Variants in ATRNL1 observed in about 807,000 individuals in gnomAD.
ATRNL1 encodes the protein attractin-like protein 1.
A neutral mutation model predicts 182.7 loss-of-function variants in ATRNL1; 95 were observed. The ratio of observed to expected loss-of-function variants is 0.52; its 90% CI spans 0.44 to 0.62. The LOEUF is 0.62. Ranked by LOEUF, ATRNL1 falls within the 20% of genes least tolerant of loss-of-function variation. The probability of loss-of-function intolerance (pLI) is 0.00; values close to 1 mark genes in which losing one functional copy is unlikely to be tolerated. For synonymous variants in ATRNL1, 576 were observed against 568.3 expected (o/e 1.01, Z -0.19); for missense variants, 1,471 against 1,679.5 (o/e 0.88, Z 2.17).
At chr10:115,713,935 T>C (rs547748650) in intron 26 of ATRNL1, among the ~76,000 whole-genome samples, 1 of 152,336 alleles carries the variant, frequency 6.6e-6, no homozygotes, top group South Asian at 2.1e-4. Context: ...GAACTTGACT[T>C]CTTTGTAGTT....
At position 115,140,926 on chromosome 10, in the gene ATRNL1, T is replaced by G. The variant is rs17092788; in HGVS notation, c.829+11391T>G. ...TCCTTCACTATCTCAAGACCTTTCT[T>G]AATTCCAAAGTTCTTCCTAGAAAAC... On this transcript the variant is annotated intron_variant, in intron 5 of 28. Coordinates refer to ENST00000355044, the MANE Select transcript of ATRNL1 (RefSeq NM_207303.4). Among the ~76,000 whole-genome samples, 1,586 of 152,280 alleles carry G rather than the reference T, an allele frequency of 0.01. 32 individuals are homozygous for G. In the East Asian group the frequency reaches 0.11, roughly 11 times the overall value.
chr10:115,425,614 C>A (rs113611788), intron 20 of ATRNL1, among the ~76,000 whole-genome samples: 2 of 151,904 alleles, frequency 1.3e-5, no homozygotes, highest in South Asian at 4.2e-4. Context: ...AGTATGGATG[C>A]GCATATGTTC....
chr10:115,752,603 A>G (rs1389648510), intron 27 of ATRNL1, among the ~76,000 whole-genome samples: 1 of 152,052 alleles, frequency 6.6e-6, no homozygotes, highest in Non-Finnish European at 1.5e-5. Flanking sequence ...CAGGACATTC[A>G]TAGTCCCCCT....
chr10:115,947,059 T>C lies in ATRNL1; in HGVS notation c.*2280T>C, dbSNP rs1953890646. On this transcript the variant is annotated 3_prime_UTR_variant, in exon 29 of 29. Transcript: ENST00000355044. The stretch of plus-strand genomic sequence containing the variant: ...GTGATGTTTAGTTAAAGTCATGCTA[T>C]ACCTTTCTGGGCCACATATTGCTAA... 6.6e-6 allele frequency: 1 copy of C among 152,636 alleles called. No individual in the cohort carries two copies. Among genetic ancestry groups the C allele is most frequent in the Non-Finnish European group, 1.5e-5 (1 of 68,032 alleles). 9.5% of individuals were successfully genotyped at this position (152,636 alleles called of 1,614,324 possible).
intron 24 of ATRNL1, among the ~76,000 whole-genome samples, chr10:115,487,800 C>T (rs1849098328): frequency 6.6e-6 from 1 of 152,112 alleles, no homozygotes; most frequent in South Asian, 2.1e-4. Flanking sequence ...GCATCCTTGT[C>T]TTGTGGCTGT....
At chr10:115,462,058 TA>T (rs781815668) in intron 22 of ATRNL1, 23 bp downstream of exon 22, 2 of 1,530,286 alleles carry the variant, frequency 1.3e-6, no homozygotes, top group Non-Finnish European at 1.8e-6. Context: ...TGTTATCTTT[TA>T]AAGTATAATT....
Position 115,326,850 on chromosome 10 carries a change from A to C in ATRNL1, c.3038-7432A>C, listed in dbSNP as rs565361820. The stretch of plus-strand genomic sequence containing the variant: ...CAATGGGGAAAGGATTCCCTATTTA[A>C]TAAATGGTTCTGGGAAAACTGGCTA... On this transcript the variant is annotated intron_variant, in intron 18 of 28. Coordinates refer to ENST00000355044, the MANE Select transcript of ATRNL1 (RefSeq NM_207303.4). Among the ~76,000 whole-genome samples, 1,285 of 152,328 alleles carry C rather than the reference A, an allele frequency of 8.4e-3. 14 individuals carry two copies. The highest frequency in any genetic ancestry group is 0.028 in the African/African-American group (1,176 of 41,568).
At chr10:115,268,196 A>G in intron 12 of ATRNL1, 130 bp from the exon 13 acceptor site, 1 of 634,420 alleles carries the variant, frequency 1.6e-6, no homozygotes. Flanking sequence ...CTTACTTTGA[A>G]ATTGAAGGTC....
intron 17 of ATRNL1, among the ~76,000 whole-genome samples, chr10:115,310,409 T>C (rs1216577449): frequency 6.6e-6 from 1 of 152,130 alleles, no homozygotes; most frequent in Non-Finnish European, 1.5e-5. Context: ...TTCAGTAGGA[T>C]TGGTACCAAT....
intron 27 of ATRNL1, among the ~76,000 whole-genome samples, chr10:115,772,597 C>CTGTGTG (rs57939999): frequency 0.03 from 4,237 of 140,342 alleles, 179 homozygotes; most frequent in African/African-American, 0.086. Flanking sequence ...TATACTCTGT[C>CTGTGTG]TGTGTGTGTG....
intron 25 of ATRNL1, among the ~76,000 whole-genome samples, chr10:115,528,705 G>A (rs1210817819): frequency 6.6e-6 from 1 of 151,820 alleles, no homozygotes; most frequent in Admixed American, 6.6e-5. Flanking sequence ...TCTAGTTCAA[G>A]TTGTAAAGTT....
At chr10:115,119,393 T>A (rs749878541) in intron 1 of ATRNL1, among the ~76,000 whole-genome samples, 1 of 152,108 alleles carries the variant, frequency 6.6e-6, no homozygotes, top group African/African-American at 2.4e-5. Context: ...TTAGCTGTGA[T>A]GTGTGTGTGT....
At chr10:115,176,873 G>C (rs1013594477) in intron 8 of ATRNL1, among the ~76,000 whole-genome samples, 1 of 152,036 alleles carries the variant, frequency 6.6e-6, no homozygotes, top group Non-Finnish European at 1.5e-5. Flanking sequence ...CTCCTTATGT[G>C]TACACTTTCT....
rs980328887 is a variant in ATRNL1 at position 115,355,525 on chromosome 10, T to C, written c.3175+21106T>C. On this transcript the variant is annotated intron_variant, in intron 19 of 28. Transcript: ENST00000355044. ...CTTCTCTACCCTGAACTGTCTGGAG[T>C]TGGGGAACGGGTGGCATGGGCACTT... 7.9e-5 allele frequency among the ~76,000 whole-genome samples: 12 copies of C among 152,164 alleles called. No individual in the cohort carries two copies. The Middle Eastern group carries it at 0.01, about 129-fold the overall frequency.
intron 8 of ATRNL1, among the ~76,000 whole-genome samples, chr10:115,197,825 T>C (rs1848419516): frequency 6.6e-6 from 1 of 152,186 alleles, no homozygotes; most frequent in Admixed American, 6.5e-5. Context: ...AGCCCGCACG[T>C]AAGTGGGCTC....
At chr10:115,359,373 G>A (rs940863875) in intron 19 of ATRNL1, among the ~76,000 whole-genome samples, 1 of 151,208 alleles carries the variant, frequency 6.6e-6, no homozygotes, top group Admixed American at 6.6e-5. Context: ...TTATATTATC[G>A]AAAAGAAAAT....
chr10:115,103,202 T>C (rs1554865053), intron 1 of ATRNL1, among the ~76,000 whole-genome samples: 1 of 151,942 alleles, frequency 6.6e-6, no homozygotes, highest in Admixed American at 6.6e-5. Context: ...CACGCCTGGC[T>C]GATTTTTTGT....
chr10:115,609,063 A>G (rs1857014060), intron 26 of ATRNL1, among the ~76,000 whole-genome samples: 6 of 152,174 alleles, frequency 3.9e-5, no homozygotes, highest in Admixed American at 3.9e-4. Flanking sequence ...AAAATATTAT[A>G]AGTTAAGTTG....
intron 16 of ATRNL1, among the ~76,000 whole-genome samples, chr10:115,300,941 C>G (rs1194383567): frequency 1.3e-5 from 2 of 152,230 alleles, no homozygotes; most frequent in South Asian, 2.1e-4. Flanking sequence ...GTTCTACTTT[C>G]TGTCTCTATG....
Sources: allele counts gnomAD v4.1 joint callset (sites outside exome capture counted in the v4.1 genomes callset), GRCh38; gene constraint gnomAD v4.1.1; transcripts MANE v1.5; gene names NCBI Gene and HGNC (gene_info 2026-07-23, HGNC 2026-07-21).